The following GRID1 variants were observed in gnomAD, a reference collection of about 807,000 sequenced individuals.
GRID1 encodes the protein glutamate ionotropic receptor delta type subunit 1.
A neutral mutation model predicts 98.0 loss-of-function variants in GRID1; 28 were observed. The ratio of observed to expected loss-of-function variants is 0.29; its 90% CI spans 0.21 to 0.39. The LOEUF is 0.39. Among genes scored for constraint, GRID1 ranks in the 10% least tolerant of loss-of-function variants. The pLI is 1.00. For missense variants in GRID1, 1,111 were observed against 1,340.5 expected (o/e 0.83, Z 2.67); for synonymous variants, 553 against 538.5 (o/e 1.03, Z -0.37).
chr10:86,053,100 T>G (rs1396383201), intron 4 of GRID1, among the ~76,000 whole-genome samples: 1 of 152,214 alleles, frequency 6.6e-6, no homozygotes, highest in Non-Finnish European at 1.5e-5. Context: ...TACAAAAAGA[T>G]GTTTACCCTC....
intron 13 of GRID1, among the ~76,000 whole-genome samples, chr10:85,624,128 A>G (rs1284735559): frequency 6.6e-6 from 1 of 152,224 alleles, no homozygotes; most frequent in Non-Finnish European, 1.5e-5. Context: ...GTCTGAGAAC[A>G]GGCATGATAG....
chr10:85,915,756 G>GC (rs1841610612), intron 5 of GRID1, among the ~76,000 whole-genome samples: 1 of 151,870 alleles, frequency 6.6e-6, no homozygotes, highest in South Asian at 2.1e-4. Flanking sequence ...TGCACACCCT[G>GC]CATACACACT....
At chr10:86,074,467 T>C (rs1843852013) in intron 4 of GRID1, among the ~76,000 whole-genome samples, 1 of 152,228 alleles carries the variant, frequency 6.6e-6, no homozygotes, top group Admixed American at 6.5e-5. Flanking sequence ...AATGACCTAA[T>C]TTATGCAATG....
intron 2 of GRID1, among the ~76,000 whole-genome samples, chr10:86,246,052 A>G (rs1469487798): frequency 6.6e-6 from 1 of 152,236 alleles, no homozygotes; most frequent in Non-Finnish European, 1.5e-5. Flanking sequence ...GGCCAAGACG[A>G]CCCAGGGTCA....
At chr10:86,201,060 C>A (rs1333580408) in intron 3 of GRID1, among the ~76,000 whole-genome samples, 1 of 152,176 alleles carries the variant, frequency 6.6e-6, no homozygotes, top group Non-Finnish European at 1.5e-5. Context: ...AGCAATTCTG[C>A]TCCTCAGAAT....
chr10:85,706,683 G>T (rs1314817444), intron 12 of GRID1, among the ~76,000 whole-genome samples: 1 of 152,136 alleles, frequency 6.6e-6, no homozygotes, highest in Non-Finnish European at 1.5e-5. Flanking sequence ...AACAAAGCTG[G>T]AGGCATCATG....
intron 8 of GRID1, among the ~76,000 whole-genome samples, chr10:85,848,026 A>T (rs1256299023): frequency 6.6e-6 from 1 of 152,166 alleles, no homozygotes; most frequent in Non-Finnish European, 1.5e-5. Flanking sequence ...AATACAAATG[A>T]CCAATAATTA....
intron 4 of GRID1, among the ~76,000 whole-genome samples, chr10:86,085,042 G>T (rs773017776): frequency 2.0e-5 from 3 of 152,168 alleles, no homozygotes; most frequent in African/African-American, 7.2e-5. Context: ...TTACCAATAC[G>T]CATGCAATGT....
chr10:86,001,127 C>T (rs560128336), intron 4 of GRID1, among the ~76,000 whole-genome samples: 1 of 152,292 alleles, frequency 6.6e-6, no homozygotes, highest in South Asian at 2.1e-4. Context: ...ATTCATATTA[C>T]AGTCTCAAAA....
intron 13 of GRID1, among the ~76,000 whole-genome samples, chr10:85,624,936 C>T (rs1276420734): frequency 1.3e-5 from 2 of 151,946 alleles, no homozygotes; most frequent in Admixed American, 6.6e-5. Context: ...AATTATGATT[C>T]ATAAATGTGA....
chr10:86,151,150 G>A (rs1221185511), intron 3 of GRID1, among the ~76,000 whole-genome samples: 1 of 152,142 alleles, frequency 6.6e-6, no homozygotes, highest in Non-Finnish European at 1.5e-5. Flanking sequence ...TCCAGAGCCA[G>A]AGCTCTTTAG....
At chr10:86,089,985 G>A (rs1844121486) in intron 4 of GRID1, among the ~76,000 whole-genome samples, 1 of 152,146 alleles carries the variant, frequency 6.6e-6, no homozygotes. Flanking sequence ...GACCTCAGGT[G>A]ATCCACCTGC....
intron 8 of GRID1, among the ~76,000 whole-genome samples, chr10:85,757,124 G>A (rs551101224): frequency 3.9e-5 from 6 of 152,250 alleles, no homozygotes; most frequent in South Asian, 4.2e-4. Flanking sequence ...AACTTGGGGC[G>A]GCAGGGTTCA....
intron 4 of GRID1, among the ~76,000 whole-genome samples, chr10:86,058,383 G>A (rs986434423): frequency 2.0e-5 from 3 of 152,060 alleles, no homozygotes; most frequent in African/African-American, 7.2e-5. Flanking sequence ...ATTACAACTG[G>A]TTCCCCATTA....
chr10:86,043,223 C>G (rs974197642), intron 4 of GRID1, among the ~76,000 whole-genome samples: 7 of 152,222 alleles, frequency 4.6e-5, no homozygotes, highest in Non-Finnish European at 8.8e-5. Context: ...CACAGGCAAC[C>G]AGCCAGGGAC....
chr10:85,862,871 C>G (rs1435696092), intron 6 of GRID1, among the ~76,000 whole-genome samples: 1 of 152,086 alleles, frequency 6.6e-6, no homozygotes, highest in African/African-American at 2.4e-5. Flanking sequence ...AACCAAGACC[C>G]AGAGGGAGGA....
intron 8 of GRID1, among the ~76,000 whole-genome samples, chr10:85,818,967 C>T (rs544254768): frequency 2.4e-4 from 37 of 152,120 alleles, no homozygotes; most frequent in African/African-American, 7.7e-4. Context: ...GTGATCCGCC[C>T]GCCTCAGCCT....
chr10:85,994,917 A>G (rs1842722783), intron 4 of GRID1, among the ~76,000 whole-genome samples: 1 of 152,246 alleles, frequency 6.6e-6, no homozygotes, highest in African/African-American at 2.4e-5. Context: ...CATTTGGCTT[A>G]TATTTTTAAA....
At chr10:85,778,175 G>A (rs1220138060) in intron 8 of GRID1, among the ~76,000 whole-genome samples, 2 of 152,186 alleles carry the variant, frequency 1.3e-5, no homozygotes, top group African/African-American at 2.4e-5. Context: ...CACTGGCCCT[G>A]GAGGGGCTCT....
Sources: allele counts gnomAD v4.1 joint callset (sites outside exome capture counted in the v4.1 genomes callset), GRCh38; gene constraint gnomAD v4.1.1; transcripts MANE v1.5; gene names NCBI Gene and HGNC (gene_info 2026-07-23, HGNC 2026-07-21).